NEGR1: variants seen among roughly 807,000 people sequenced by gnomAD.
NEGR1 encodes neuronal growth regulator 1, also known as IgLON family member 4.
Under a neutral mutation model 40.9 loss-of-function variants are expected in NEGR1, and 10 were observed. That is an observed-to-expected ratio of 0.24 (90% confidence interval 0.15 to 0.42). NEGR1 has a LOEUF of 0.42. Ranked by LOEUF, NEGR1 falls within the 10% of genes least tolerant of loss-of-function variation. NEGR1 has a pLI of 1.00. For synonymous variants in NEGR1, 185 were observed against 166.8 expected (o/e 1.11, Z -0.84); for missense variants, 352 against 438.9 (o/e 0.80, Z 1.77).
intron 6 of NEGR1, among the ~76,000 whole-genome samples, chr1:71,494,604 T>C (rs1399904719): frequency 6.6e-6 from 1 of 152,130 alleles, no homozygotes. Flanking sequence ...GTTTAGTCAT[T>C]AGAGTCCTTT....
intron 6 of NEGR1, among the ~76,000 whole-genome samples, chr1:71,540,834 T>G (rs2101456765): frequency 6.6e-6 from 1 of 151,792 alleles, no homozygotes; most frequent in African/African-American, 2.4e-5. Context: ...AGCGTGGCAC[T>G]GGCATCTGCT....
chr1:71,894,362 A>T (rs1191861916), intron 2 of NEGR1, among the ~76,000 whole-genome samples: 1 of 152,218 alleles, frequency 6.6e-6, no homozygotes, highest in African/African-American at 2.4e-5. Context: ...CCACATTGAA[A>T]CAGGAATAGG....
At chr1:71,752,765 T>A (rs143709042) in intron 3 of NEGR1, among the ~76,000 whole-genome samples, 94 of 152,314 alleles carry the variant, frequency 6.2e-4, no homozygotes, top group Non-Finnish European at 8.7e-4. Context: ...TAGGCAGCAT[T>A]CCTGATAAGA....
intron 2 of NEGR1, among the ~76,000 whole-genome samples, chr1:71,927,905 G>A: frequency 6.8e-6 from 1 of 146,474 alleles, no homozygotes; most frequent in South Asian, 2.2e-4. Context: ...GGCTGAGGTG[G>A]GAGGATCACC....
At chr1:71,881,822 G>A (rs1006152628) in intron 2 of NEGR1, among the ~76,000 whole-genome samples, 1 of 151,926 alleles carries the variant, frequency 6.6e-6, no homozygotes, top group Non-Finnish European at 1.5e-5. Context: ...TTAACCAACT[G>A]CTTTTTGCTT....
chr1:71,623,942 T>C (rs1216815844), intron 4 of NEGR1, among the ~76,000 whole-genome samples: 2 of 151,960 alleles, frequency 1.3e-5, no homozygotes, highest in African/African-American at 2.4e-5. Flanking sequence ...AGAAATTCCA[T>C]GTCAGCAAGA....
chr1:71,841,555 C>T (rs1454967349), intron 2 of NEGR1, among the ~76,000 whole-genome samples: 1 of 152,034 alleles, frequency 6.6e-6, no homozygotes, highest in Non-Finnish European at 1.5e-5. Flanking sequence ...CCACTGGGGA[C>T]AAATACACTG....
chr1:71,919,569 A>C (rs1210054412), intron 2 of NEGR1, among the ~76,000 whole-genome samples: 1 of 151,638 alleles, frequency 6.6e-6, no homozygotes, highest in African/African-American at 2.4e-5. Context: ...CCAGGGGAGA[A>C]GTATCAAAAA....
chr1:72,030,218 G>A (rs1646845348), intron 1 of NEGR1, among the ~76,000 whole-genome samples: 1 of 150,972 alleles, frequency 6.6e-6, no homozygotes. Context: ...TTTTTGAGAT[G>A]GAGTCTTGCT....
chr1:71,799,464 T>C (rs1657473669), intron 2 of NEGR1, among the ~76,000 whole-genome samples: 1 of 152,202 alleles, frequency 6.6e-6, no homozygotes, highest in Non-Finnish European at 1.5e-5. Context: ...TTTGGGTTGG[T>C]TCCAAGTCTT....
chr1:72,059,489 C>T (rs1647146274), intron 1 of NEGR1, among the ~76,000 whole-genome samples: 1 of 151,606 alleles, frequency 6.6e-6, no homozygotes, highest in Admixed American at 6.6e-5. Flanking sequence ...TTTACTCATT[C>T]TGCCTTATGA....
intron 5 of NEGR1, among the ~76,000 whole-genome samples, chr1:71,609,929 T>G (rs542909526): frequency 6.6e-5 from 10 of 152,332 alleles, no homozygotes; most frequent in African/African-American, 2.2e-4. Context: ...GAGTGAGTTC[T>G]CACAAGATCT....
intron 1 of NEGR1, among the ~76,000 whole-genome samples, chr1:71,942,933 G>A (rs1243429948): frequency 7.0e-6 from 1 of 143,524 alleles, no homozygotes; most frequent in African/African-American, 2.6e-5. Context: ...TCCCAAATAT[G>A]AGTCACCATG....
chr1:71,482,506 C>T (rs570156685), intron 6 of NEGR1, among the ~76,000 whole-genome samples: 2 of 151,790 alleles, frequency 1.3e-5, no homozygotes, highest in East Asian at 1.9e-4. Context: ...TTAAACAAAC[C>T]CCAGCATCAA....
At chr1:72,035,253 T>C (rs1415013326) in intron 1 of NEGR1, among the ~76,000 whole-genome samples, 1 of 152,146 alleles carries the variant, frequency 6.6e-6, no homozygotes, top group Admixed American at 6.5e-5. Context: ...GGAAGCCTTT[T>C]CTCTGTCTTC....
intron 1 of NEGR1, among the ~76,000 whole-genome samples, chr1:71,956,555 A>G (rs1193183647): frequency 6.6e-6 from 1 of 151,960 alleles, no homozygotes; most frequent in African/African-American, 2.4e-5. Flanking sequence ...ATTATTAGTA[A>G]AATTTTGTCA....
Position 72,127,463 on chromosome 1 carries a change from C to CAAAAAAAA in NEGR1, c.176+154848_176+154855dup, listed in dbSNP as rs56301492. Among the ~76,000 whole-genome samples, 181 of 39,296 alleles carry CAAAAAAAA rather than the reference C, an allele frequency of 4.6e-3. 17 individuals are homozygous for CAAAAAAAA. Among genetic ancestry groups the CAAAAAAAA allele is most frequent in the African/African-American group, 0.011 (131 of 11,650 alleles). 25.8% of individuals were successfully genotyped at this position (39,296 alleles called of 152,430 possible). A position where few individuals can be genotyped will look rare whatever the true frequency, so the allele number is the denominator to read the frequency against. ...TGGGCGACAGAGCAAGGCTCTGTCTCAAAAAAAAAAAAAAAAAAAAAAAAA... is the reference window on the plus strand; with the variant it reads ...TGGGCGACAGAGCAAGGCTCTGTCTCAAAAAAAAAAAAAAAAAAAAAAAAAAAAAAAAA... On this transcript the variant is annotated intron_variant, in intron 1 of 6. Transcript: ENST00000357731.
At chr1:71,857,021 G>C (rs981624047) in intron 2 of NEGR1, among the ~76,000 whole-genome samples, 2 of 151,964 alleles carry the variant, frequency 1.3e-5, no homozygotes, top group African/African-American at 4.8e-5. Flanking sequence ...AGGTGTCCCA[G>C]ACTTAGTTTC....
intron 6 of NEGR1, among the ~76,000 whole-genome samples, chr1:71,479,045 C>T (rs764080706): frequency 4.6e-5 from 7 of 151,998 alleles, no homozygotes; most frequent in Non-Finnish European, 7.4e-5. Flanking sequence ...CAAACCACTG[C>T]TTAAAATTTA....
Sources: gnomAD v4.1 joint callset for allele counts (sites outside exome capture counted in the v4.1 genomes callset) on GRCh38, gnomAD v4.1.1 for gene constraint, MANE v1.5 for transcripts, NCBI Gene and HGNC (gene_info 2026-07-23, HGNC 2026-07-21) for gene names.